The following DOK5 variants were observed in gnomAD, a reference collection of about 807,000 sequenced individuals.
DOK5 encodes docking protein 5, also known as downstream of tyrosine kinase 5.
Under a neutral mutation model 43.3 loss-of-function variants are expected in DOK5, and 27 were observed. That is an observed-to-expected ratio of 0.62 (90% CI 0.46 to 0.86). DOK5 has a LOEUF of 0.86. Ranked by LOEUF, DOK5 falls within the 40% of genes least tolerant of loss-of-function variation. DOK5 has a pLI of 0.00. For synonymous variants in DOK5, 146 were observed against 140.1 expected (o/e 1.04, Z -0.30); for missense variants, 373 against 392.9 (o/e 0.95, Z 0.43).
chr20:54,558,675 G>A (rs1238441016), intron 2 of DOK5, among the ~76,000 whole-genome samples: 1 of 152,144 alleles, frequency 6.6e-6, no homozygotes, highest in Non-Finnish European at 1.5e-5. Context: ...CAAAAGAAAT[G>A]AGGAAATGTA....
At chr20:54,619,022 A>ATT (rs72338710) in intron 6 of DOK5, among the ~76,000 whole-genome samples, 2,734 of 48,658 alleles carry the variant, frequency 0.056, 333 homozygotes, top group Admixed American at 0.077. Context: ...GTTTCAATAA[A>ATT]TTATATATAT....
At chr20:54,595,634 A>G (rs968625229) in intron 5 of DOK5, among the ~76,000 whole-genome samples, 8 of 152,228 alleles carry the variant, frequency 5.3e-5, no homozygotes, top group South Asian at 4.1e-4. Context: ...CAGGCCACTC[A>G]ATGTTATATC....
chr20:54,500,832 A>T (rs1271961046), intron 1 of DOK5, among the ~76,000 whole-genome samples: 1 of 152,074 alleles, frequency 6.6e-6, no homozygotes, highest in Admixed American at 6.5e-5. Flanking sequence ...AAGTGCTGGG[A>T]TTACAGGCGT....
chr20:54,541,774 G>A (rs906468908), intron 1 of DOK5, among the ~76,000 whole-genome samples: 13 of 151,980 alleles, frequency 8.6e-5, no homozygotes, highest in African/African-American at 2.9e-4. Context: ...AGGTCTGACC[G>A]TGCTGACCCA....
At chr20:54,609,592 T>C (rs1027425896) in intron 5 of DOK5, among the ~76,000 whole-genome samples, 4 of 151,414 alleles carry the variant, frequency 2.6e-5, no homozygotes, top group African/African-American at 9.8e-5. Flanking sequence ...ATAGAGAGCA[T>C]ATATATACAC....
At chr20:54,564,251 G>A (rs569142467) in intron 2 of DOK5, among the ~76,000 whole-genome samples, 2 of 151,926 alleles carry the variant, frequency 1.3e-5, no homozygotes, top group African/African-American at 2.4e-5. Context: ...GTGAAACCCC[G>A]TCTCTACTAA....
chr20:54,619,177 A>G (rs1423248714), intron 6 of DOK5, among the ~76,000 whole-genome samples: 4 of 148,764 alleles, frequency 2.7e-5, no homozygotes, highest in Non-Finnish European at 5.9e-5. Flanking sequence ...CACTTTAAAA[A>G]TTCAATGCAT....
At chr20:54,509,503 T>A (rs1982940607) in intron 1 of DOK5, among the ~76,000 whole-genome samples, 1 of 152,222 alleles carries the variant, frequency 6.6e-6, no homozygotes, top group Non-Finnish European at 1.5e-5. Context: ...TGGGAAAGAT[T>A]TTAATATATT....
At chr20:54,588,647 A>C (rs772764050) in intron 3 of DOK5, 40 bp from the exon 4 acceptor site, 1 of 1,613,932 alleles carries the variant, frequency 6.2e-7, no homozygotes, top group Non-Finnish European at 8.5e-7. Flanking sequence ...TTCTGAATGG[A>C]TGCTGGGCAC....
At chr20:54,534,225 T>C (rs1305828275) in intron 1 of DOK5, among the ~76,000 whole-genome samples, 1 of 152,216 alleles carries the variant, frequency 6.6e-6, no homozygotes, top group African/African-American at 2.4e-5. Flanking sequence ...CTCACTCTAT[T>C]GCCCAGGCGG....
At chr20:54,565,167 T>C (rs1398540858) in intron 2 of DOK5, among the ~76,000 whole-genome samples, 3 of 152,226 alleles carry the variant, frequency 2.0e-5, no homozygotes, top group African/African-American at 4.8e-5. Flanking sequence ...TGGCTGCAAC[T>C]GTGTATACCT....
chr20:54,537,434 C>T (rs1983995034), intron 1 of DOK5, among the ~76,000 whole-genome samples: 1 of 152,024 alleles, frequency 6.6e-6, no homozygotes, highest in Non-Finnish European at 1.5e-5. Context: ...GATAAAAATG[C>T]CCCAAGGAGC....
chr20:54,511,478 A>G (rs930151556), intron 1 of DOK5, among the ~76,000 whole-genome samples: 6 of 152,246 alleles, frequency 3.9e-5, no homozygotes, highest in Non-Finnish European at 7.3e-5. Flanking sequence ...AATTTTTTAA[A>G]ATGTGTTTCT....
At chr20:54,607,211 C>T (rs139008421) in intron 5 of DOK5, among the ~76,000 whole-genome samples, 1 of 152,212 alleles carries the variant, frequency 6.6e-6, no homozygotes, top group Non-Finnish European at 1.5e-5. Flanking sequence ...TTTCCCCATT[C>T]CCCCACATAG....
At chr20:54,587,420 C>T (rs981759667) in intron 2 of DOK5, among the ~76,000 whole-genome samples, 14 of 151,322 alleles carry the variant, frequency 9.3e-5, no homozygotes, top group African/African-American at 3.2e-4. Context: ...GAGTAACAGA[C>T]GAGAGAAACG....
At chr20:54,479,108 T>C (rs1981558611) in intron 1 of DOK5, among the ~76,000 whole-genome samples, 1 of 152,130 alleles carries the variant, frequency 6.6e-6, no homozygotes, top group Admixed American at 6.5e-5. Context: ...CAGGAAACAT[T>C]CTAAAAACAT....
At chr20:54,507,279 A>G (rs1982845568) in intron 1 of DOK5, among the ~76,000 whole-genome samples, 1 of 152,226 alleles carries the variant, frequency 6.6e-6, no homozygotes, top group Non-Finnish European at 1.5e-5. Flanking sequence ...TATGTTCTAC[A>G]GCAGCACTGT....
intron 6 of DOK5, among the ~76,000 whole-genome samples, chr20:54,619,556 G>A (rs996635728): frequency 2.6e-5 from 4 of 152,204 alleles, no homozygotes; most frequent in African/African-American, 4.8e-5. Context: ...CTCCGGGTGG[G>A]GTGAGGGGGC....
At chr20:54,524,901 A>C (rs1227904467) in intron 1 of DOK5, among the ~76,000 whole-genome samples, 1 of 152,152 alleles carries the variant, frequency 6.6e-6, no homozygotes, top group East Asian at 1.9e-4. Context: ...AGTTTTTGTC[A>C]CTTTTTGCAG....
Sources: allele counts gnomAD v4.1 joint callset (sites outside exome capture counted in the v4.1 genomes callset), GRCh38; gene constraint gnomAD v4.1.1; transcripts MANE v1.5; gene names NCBI Gene and HGNC (gene_info 2026-07-23, HGNC 2026-07-21).